PTER: variants seen among roughly 807,000 people sequenced by gnomAD.
PTER encodes the protein N-acetyltaurine hydrolase.
A neutral mutation model predicts 29.6 loss-of-function variants in PTER; 38 were observed. The ratio of observed to expected loss-of-function variants is 1.28; its 90% confidence interval spans 0.99 to 1.68. The LOEUF is 1.68. Among genes scored for constraint, PTER ranks in the 40% most tolerant of loss-of-function variants. The probability of loss-of-function intolerance (pLI) is 0.00; values close to 1 mark genes in which losing one functional copy is unlikely to be tolerated. For synonymous variants in PTER, 172 were observed against 154.5 expected (o/e 1.11, Z -0.84); for missense variants, 482 against 427.8 (o/e 1.13, Z -1.12).
chr10:16,479,066 T>C (rs780123579), intron 1 of PTER, among the ~76,000 whole-genome samples: 57 of 152,054 alleles, frequency 3.7e-4, no homozygotes, highest in Non-Finnish European at 7.5e-4. Flanking sequence ...CAGGTTTTCT[T>C]CTTACATTCT....
intron 3 of PTER, among the ~76,000 whole-genome samples, chr10:16,491,205 G>T (rs745386895): frequency 6.6e-6 from 1 of 152,010 alleles, no homozygotes; most frequent in South Asian, 2.1e-4. Flanking sequence ...GATTATTCAC[G>T]GTTCCAGTGC....
intron 3 of PTER, among the ~76,000 whole-genome samples, chr10:16,495,154 A>AT (rs1259736188): frequency 1.4e-5 from 2 of 141,656 alleles, no homozygotes; most frequent in East Asian, 2.2e-4. Context: ...GAGTACAAAG[A>AT]TTTTTTGGAA....
chr10:16,511,389 A>G lies in PTER; in HGVS notation c.*133A>G. On this transcript the variant is annotated 3_prime_UTR_variant, in exon 5 of 5. Transcript: ENST00000535784. ...TCATTTCCTTCTGATGAGAACTAGG[A>G]GGGTTTGCCTTCTCTGAGACCAGCT... 1 of 832,752 alleles carries G rather than the reference A, an allele frequency of 1.2e-6. No individual in the cohort carries two copies. The highest frequency in any genetic ancestry group is 1.9e-6 in the Non-Finnish European group (1 of 523,994). The allele number at this position is 832,752 out of a possible 1,614,324, so 51.6% of individuals were successfully genotyped here. A position where few individuals can be genotyped will look rare whatever the true frequency, so the allele number is the denominator to read the frequency against.
rs148910772 is a variant in PTER at position 16,480,314 on chromosome 10, C to T, written c.-48-4023C>T. 9.7e-3 allele frequency among the ~76,000 whole-genome samples: 1,466 copies of T among 151,548 alleles called. 22 individuals are homozygous for T. Among genetic ancestry groups the T allele is most frequent in the African/African-American group, 0.024 (997 of 41,306 alleles). ...AAGCAATTCTCCTGCCTCAGCCTCC[C>T]GAGTAGCCTCCCGAGTGATGACAGA... On this transcript the variant is annotated intron_variant, in intron 1 of 4. Transcript: ENST00000535784.
chr10:16,486,642 A>T (rs1835712540), intron 3 of PTER, 25 bp downstream of exon 3: 1 of 1,588,204 alleles, frequency 6.3e-7, no homozygotes. Flanking sequence ...TTACAAATGG[A>T]TGCAAACTGC....
chr10:16,482,764 C>T (rs1211566366), intron 1 of PTER, among the ~76,000 whole-genome samples: 2 of 152,056 alleles, frequency 1.3e-5, no homozygotes, highest in African/African-American at 4.8e-5. Flanking sequence ...TTTATAAACC[C>T]TTCATTTAGG....
intron 3 of PTER, among the ~76,000 whole-genome samples, 153 bp from the exon 4 acceptor site, chr10:16,504,867 A>G (rs923670423): frequency 6.6e-6 from 1 of 152,230 alleles, no homozygotes; most frequent in Non-Finnish European, 1.5e-5. Flanking sequence ...TTACTGTTTT[A>G]TACTCACATC....
chr10:16,440,603 T>A (rs1426226097), intron 1 of PTER, among the ~76,000 whole-genome samples: 1 of 152,288 alleles, frequency 6.6e-6, no homozygotes, highest in Middle Eastern at 3.4e-3. Flanking sequence ...GTGACTTGTT[T>A]GGCTAACGAA....
chr10:16,492,080 T>C (rs1160364395), intron 3 of PTER, among the ~76,000 whole-genome samples: 1 of 152,196 alleles, frequency 6.6e-6, no homozygotes, highest in African/African-American at 2.4e-5. Flanking sequence ...AACTACATTG[T>C]TGTCATGTGA....
intron 1 of PTER, among the ~76,000 whole-genome samples, chr10:16,471,355 T>A (rs1022905821): frequency 6.6e-6 from 1 of 152,200 alleles, no homozygotes; most frequent in African/African-American, 2.4e-5. Context: ...ACAATAAGCA[T>A]CTGATGGATT....
chr10:16,484,468 C>A lies in PTER; in HGVS notation c.84C>A (p.His28Gln), dbSNP rs139236620. 1 of 1,614,072 alleles carries A rather than the reference C, an allele frequency of 6.2e-7. No homozygotes were observed. Among genetic ancestry groups the A allele is most frequent in the African/African-American group, 1.3e-5 (1 of 75,024 alleles). ...TGGGCCGTACCCTGACCCATGAACACCTGGCCATGACCTTTGACTGCTGTT... is the reference window on the plus strand; with the variant it reads ...TGGGCCGTACCCTGACCCATGAACAACTGGCCATGACCTTTGACTGCTGTT... ...SKLGRTLTHE[H>Q]LAMTFDCCYC... Residue 28 changes from histidine (H) to glutamine (Q), a missense_variant, in exon 2 of 5, where the codon CAC becomes CAA. Physicochemically the swap from His to Gln is conservative, Grantham distance 24 (BLOSUM62 0). Coordinates refer to ENST00000535784, the MANE Select transcript of PTER (RefSeq NM_001261836.2).
chr10:16,484,040 G>T (rs1404655334), intron 1 of PTER, among the ~76,000 whole-genome samples: 1 of 152,070 alleles, frequency 6.6e-6, no homozygotes, highest in Non-Finnish European at 1.5e-5. Flanking sequence ...ATACAATTAA[G>T]TTAAAGAAAA....
chr10:16,456,082 C>T (rs1234990446), intron 1 of PTER, among the ~76,000 whole-genome samples: 2 of 152,184 alleles, frequency 1.3e-5, no homozygotes, highest in African/African-American at 2.4e-5. Context: ...TGAGTTTTCA[C>T]AGTGCAAAAG....
chr10:16,506,532 A>T (rs1324517567), intron 4 of PTER, among the ~76,000 whole-genome samples: 7 of 152,206 alleles, frequency 4.6e-5, no homozygotes. Context: ...GTTGACTTTA[A>T]AAACTCTGGA....
intron 1 of PTER, among the ~76,000 whole-genome samples, chr10:16,445,780 A>C (rs1189135365): frequency 1.3e-5 from 2 of 152,060 alleles, no homozygotes; most frequent in Admixed American, 1.3e-4. Context: ...GAAGGATCCT[A>C]CAGGCTGACA....
At chr10:16,462,888 C>T (rs969796422) in intron 1 of PTER, among the ~76,000 whole-genome samples, 1 of 150,974 alleles carries the variant, frequency 6.6e-6, no homozygotes, top group Admixed American at 6.6e-5. Context: ...CTACTCTTAA[C>T]ATTACCTCCT....
intron 1 of PTER, 99 bp from the exon 2 acceptor site, chr10:16,484,238 A>T: frequency 1.4e-6 from 1 of 710,622 alleles, no homozygotes; most frequent in East Asian, 2.6e-5. Context: ...GCCTTCTTAC[A>T]TGGGTATATG....
intron 4 of PTER, among the ~76,000 whole-genome samples, chr10:16,509,830 T>A (rs1836741536): frequency 6.6e-6 from 1 of 152,208 alleles, no homozygotes; most frequent in Non-Finnish European, 1.5e-5. Context: ...TGCTAGTGCT[T>A]GCATTCCTTT....
chr10:16,447,406 A>G (rs992898674), intron 1 of PTER, among the ~76,000 whole-genome samples: 1 of 151,994 alleles, frequency 6.6e-6, no homozygotes, highest in African/African-American at 2.4e-5. Flanking sequence ...AAGCCTGTAA[A>G]ATATTTTTTA....
Sources: gnomAD v4.1 joint callset for allele counts (sites outside exome capture counted in the v4.1 genomes callset) on GRCh38, gnomAD v4.1.1 for gene constraint, MANE v1.5 for transcripts, NCBI Gene and HGNC (gene_info 2026-07-23, HGNC 2026-07-21) for gene names.